The following HS6ST3 variants were observed in gnomAD, a reference collection of about 807,000 sequenced individuals.
The protein encoded by HS6ST3 is heparan sulfate 6-O-sulfotransferase 3.
In HS6ST3, 12 loss-of-function variants were observed where a neutral mutation model predicts 36.7. The observed-to-expected ratio is 0.33, with a 90% CI of 0.21 to 0.53. HS6ST3 has a LOEUF of 0.53. HS6ST3 is among the 20% of genes least tolerant of loss of function. The pLI is 0.95. For synonymous variants in HS6ST3, 240 were observed against 257.5 expected (o/e 0.93, Z 0.65); for missense variants, 584 against 640.9 (o/e 0.91, Z 0.96).
chr13:96,489,180 T>C (rs2055932024), intron 1 of HS6ST3, among the ~76,000 whole-genome samples: 2 of 151,988 alleles, frequency 1.3e-5, no homozygotes, highest in African/African-American at 4.8e-5. Context: ...TTTTCATCCC[T>C]CCAAAAAGCA....
chr13:96,171,502 A>G (rs117540582), intron 1 of HS6ST3, among the ~76,000 whole-genome samples: 2,642 of 152,206 alleles, frequency 0.017, 36 homozygotes, highest in East Asian at 0.055. Context: ...ATTTTCTTTG[A>G]CAATATTCTT....
intron 1 of HS6ST3, among the ~76,000 whole-genome samples, chr13:96,743,402 T>A (rs1876489763): frequency 6.6e-6 from 1 of 152,076 alleles, no homozygotes; most frequent in Non-Finnish European, 1.5e-5. Flanking sequence ...TCATAGGCAG[T>A]CCTTGAACTG....
At chr13:96,703,986 C>T (rs1302112173) in intron 1 of HS6ST3, among the ~76,000 whole-genome samples, 1 of 152,156 alleles carries the variant, frequency 6.6e-6, no homozygotes, top group Non-Finnish European at 1.5e-5. Context: ...CACCATGATT[C>T]TAAGTTTCCT....
intron 1 of HS6ST3, among the ~76,000 whole-genome samples, chr13:96,831,977 A>AAAAAAAAAAAAAAC (rs1555326624): frequency 8.6e-6 from 1 of 115,978 alleles, no homozygotes. Flanking sequence ...AAAAAAAAAA[A>AAAAAAAAAAAAAAC]AAACAGAGAT....
intron 1 of HS6ST3, among the ~76,000 whole-genome samples, chr13:96,717,786 A>G (rs772412274): frequency 6.6e-6 from 1 of 152,158 alleles, no homozygotes; most frequent in Non-Finnish European, 1.5e-5. Context: ...TGTTCCCCAG[A>G]GCTTACCTCA....
intron 1 of HS6ST3, among the ~76,000 whole-genome samples, chr13:96,790,431 C>G (rs1486275584): frequency 6.6e-6 from 1 of 151,808 alleles, no homozygotes. Context: ...AAAACTAACT[C>G]GAGTTTCAAA....
At chr13:96,166,758 G>T (rs1187606212) in intron 1 of HS6ST3, among the ~76,000 whole-genome samples, 1 of 151,860 alleles carries the variant, frequency 6.6e-6, no homozygotes, top group Non-Finnish European at 1.5e-5. Flanking sequence ...GATATGGTTT[G>T]GCTGTGTCCC....
intron 1 of HS6ST3, among the ~76,000 whole-genome samples, chr13:96,321,870 G>A (rs751300621): frequency 1.3e-5 from 2 of 152,026 alleles, no homozygotes; most frequent in Non-Finnish European, 2.9e-5. Flanking sequence ...AATCTCAAAT[G>A]AGCTTGTACC....
chr13:96,125,095 T>C (rs2053944179), intron 1 of HS6ST3, among the ~76,000 whole-genome samples: 1 of 152,200 alleles, frequency 6.6e-6, no homozygotes, highest in Admixed American at 6.5e-5. Context: ...ATGAGATTTT[T>C]GAATATTTAT....
intron 1 of HS6ST3, among the ~76,000 whole-genome samples, chr13:96,595,476 CTT>C (rs765224602): frequency 1.3e-4 from 20 of 150,630 alleles, no homozygotes; most frequent in South Asian, 2.1e-4. Context: ...CTCTCTCTCT[CTT>C]TGTTTTTTAT....
At chr13:96,165,238 A>AT (rs1023631370) in intron 1 of HS6ST3, among the ~76,000 whole-genome samples, 7 of 152,200 alleles carry the variant, frequency 4.6e-5, no homozygotes, top group South Asian at 2.1e-4. Flanking sequence ...ATCACCTAGG[A>AT]TTGTCTGGAG....
chr13:96,784,785 AAC>A (rs1394437418), intron 1 of HS6ST3, among the ~76,000 whole-genome samples: 4 of 152,178 alleles, frequency 2.6e-5, no homozygotes, highest in Non-Finnish European at 5.9e-5. Flanking sequence ...AAGTAATAGA[AAC>A]AGTGTTCCAT....
At position 96,763,527 on chromosome 13, in the gene HS6ST3, T is replaced by G. The variant is rs539717511; in HGVS notation, c.708-68963T>G. The stretch of plus-strand genomic sequence containing the variant: ...TATAATATATATTTGTGTAACTGAT[T>G]TAATGAATTTTATGTATTTAATAAT... On this transcript the variant is annotated intron_variant, in intron 1 of 1. Coordinates refer to ENST00000376705, the MANE Select transcript of HS6ST3 (RefSeq NM_153456.4). Among the ~76,000 whole-genome samples the G allele has an allele frequency of 2.7e-5, 4 of 150,756 alleles. No individual in the cohort carries two copies. The South Asian group carries it at 8.3e-4, about 31-fold the overall frequency.
intron 1 of HS6ST3, among the ~76,000 whole-genome samples, chr13:96,103,274 C>T (rs758295097): frequency 6.6e-6 from 1 of 152,158 alleles, no homozygotes; most frequent in Non-Finnish European, 1.5e-5. Context: ...CATAATTTGG[C>T]AGAGTGGTAT....
intron 1 of HS6ST3, among the ~76,000 whole-genome samples, chr13:96,425,585 A>G (rs772693821): frequency 2.6e-5 from 4 of 152,130 alleles, no homozygotes; most frequent in African/African-American, 4.8e-5. Context: ...TAAATCATAG[A>G]TATGCAAAAT....
chr13:96,091,491 C>G lies in HS6ST3; in HGVS notation c.629C>G (p.Ala210Gly). The G allele has an allele frequency of 6.2e-7, 1 of 1,602,612 alleles. No individual in the cohort carries two copies. The highest frequency in any genetic ancestry group is 8.5e-7 in the Non-Finnish European group (1 of 1,176,458). ...FSTGWSCGLH[A>G]DWTELTNCVP... is the part of the protein sequence containing the mutation. ...ACCGGCTGGAGCTGCGGGCTGCACG[C>G]CGACTGGACGGAGCTCACCAACTGC... Residue 210 changes from alanine (A) to glycine (G), a missense_variant, in exon 1 of 2, where the codon GCC (alanine) becomes GGC (glycine). Around this residue, in one of 3 missense-constraint regions of HS6ST3, gnomAD observed 360 missense variants for 411.3 expected, o/e 0.88. Transcript: ENST00000376705.
intron 1 of HS6ST3, among the ~76,000 whole-genome samples, chr13:96,583,959 G>A (rs2056351663): frequency 6.6e-6 from 1 of 152,160 alleles, no homozygotes; most frequent in Admixed American, 6.6e-5. Context: ...AATTAAAAAT[G>A]TCTTTAGGTA....
intron 1 of HS6ST3, among the ~76,000 whole-genome samples, chr13:96,670,178 A>G (rs536045639): frequency 9.1e-4 from 138 of 152,270 alleles, no homozygotes; most frequent in South Asian, 4.6e-3. Flanking sequence ...CATCCTGGAA[A>G]CCAAATAAAG....
intron 1 of HS6ST3, among the ~76,000 whole-genome samples, chr13:96,100,077 G>A (rs571788771): frequency 2.0e-5 from 3 of 151,978 alleles, no homozygotes; most frequent in Middle Eastern, 6.8e-3. Flanking sequence ...AAAGGAGGGA[G>A]AGAAGAAGAA....
Sources: gnomAD v4.1 joint callset for allele counts (sites outside exome capture counted in the v4.1 genomes callset) on GRCh38, gnomAD v4.1.1 for gene constraint, gnomAD v4.1.1 regional missense constraint, MANE v1.5 for transcripts, NCBI Gene and HGNC (gene_info 2026-07-23, HGNC 2026-07-21) for gene names.